Variants in GABRB2 observed in about 807,000 individuals in gnomAD.
GABRB2 encodes gamma-aminobutyric acid receptor subunit beta-2.
GABRB2 carries 16 observed loss-of-function variants against 54.7 expected under a neutral mutation model. The ratio of observed to expected loss-of-function variants is 0.29; its 90% CI spans 0.20 to 0.44. GABRB2 has a LOEUF of 0.44. Among genes scored for constraint, GABRB2 ranks in the 20% least tolerant of loss-of-function variants. The pLI is 1.00. For missense variants in GABRB2, 355 were observed against 644.0 expected (o/e 0.55, Z 4.86); for synonymous variants, 244 against 233.8 (o/e 1.04, Z -0.40).
chr5:161,350,222 A>T (rs1304575951), intron 5 of GABRB2, among the ~76,000 whole-genome samples: 2 of 152,088 alleles, frequency 1.3e-5, no homozygotes, highest in African/African-American at 4.8e-5. Context: ...GAGAATATAA[A>T]AGGCATCCAC....
chr5:161,445,683 G>A (rs1757596447), intron 4 of GABRB2, among the ~76,000 whole-genome samples: 1 of 152,076 alleles, frequency 6.6e-6, no homozygotes, highest in Non-Finnish European at 1.5e-5. Flanking sequence ...TCACAACCCA[G>A]ACATTCTTTC....
chr5:161,423,515 ATC>A (rs1400500149), intron 4 of GABRB2, among the ~76,000 whole-genome samples: 3 of 152,112 alleles, frequency 2.0e-5, no homozygotes, highest in Admixed American at 2.0e-4. Context: ...TGTCACAGTC[ATC>A]TGTGATCAGT....
intron 5 of GABRB2, among the ~76,000 whole-genome samples, chr5:161,358,402 T>C (rs577046054): frequency 2.0e-4 from 30 of 152,118 alleles, no homozygotes; most frequent in South Asian, 4.1e-4. Flanking sequence ...ACTAGGTGAC[T>C]AAAGTAATTT....
intron 3 of GABRB2, among the ~76,000 whole-genome samples, chr5:161,494,538 C>CATGTGT (rs1554104312): frequency 0.046 from 6,782 of 146,216 alleles, 185 homozygotes; most frequent in African/African-American, 0.064. Flanking sequence ...GTTAGGTATG[C>CATGTGT]GTGTGTGTGT....
Position 161,437,039 on chromosome 5 carries a change from T to C in GABRB2, c.458+22585A>G, listed in dbSNP as rs76505079. 1.4e-3 allele frequency among the ~76,000 whole-genome samples: 219 copies of C among 152,242 alleles called. 1 individual carries two copies. The highest frequency in any genetic ancestry group is 5.0e-3 in the African/African-American group (207 of 41,560). ...GGCTACAGTACTCTGAGTCTCCAAG[T>C]AAACTTGAAAGGCAGTCTAGGCCAT... On this transcript the variant is annotated intron_variant, in intron 4 of 9. Transcript: ENST00000393959.
At chr5:161,545,333 C>T (rs1423853578) in intron 2 of GABRB2, 39 bp from the exon 3 acceptor site, 1 of 1,520,320 alleles carries the variant, frequency 6.6e-7, no homozygotes. Flanking sequence ...TTTCTTTGAA[C>T]TTCATTCATT....
chr5:161,388,205 G>T (rs1210670809), intron 5 of GABRB2, among the ~76,000 whole-genome samples: 1 of 152,046 alleles, frequency 6.6e-6, no homozygotes, highest in Non-Finnish European at 1.5e-5. Flanking sequence ...AGTATCTATG[G>T]ATGTCACATA....
intron 5 of GABRB2, among the ~76,000 whole-genome samples, chr5:161,384,569 G>A (rs570103001): frequency 1.5e-4 from 23 of 152,258 alleles, no homozygotes; most frequent in Admixed American, 7.8e-4. Flanking sequence ...TATGTGCCAG[G>A]AGTATAAGTT....
chr5:161,525,911 T>C (rs1312216983), intron 3 of GABRB2, among the ~76,000 whole-genome samples: 1 of 151,236 alleles, frequency 6.6e-6, no homozygotes, highest in Non-Finnish European at 1.5e-5. Context: ...TAGAGGTGAG[T>C]GTACACATGC....
intron 5 of GABRB2, among the ~76,000 whole-genome samples, chr5:161,344,813 A>G (rs1402138758): frequency 6.6e-6 from 1 of 152,300 alleles, no homozygotes; most frequent in Non-Finnish European, 1.5e-5. Flanking sequence ...ATCAATGGAT[A>G]GACTGGAAAA....
intron 4 of GABRB2, among the ~76,000 whole-genome samples, chr5:161,432,577 A>G (rs887913293): frequency 6.6e-6 from 1 of 152,216 alleles, no homozygotes; most frequent in Non-Finnish European, 1.5e-5. Flanking sequence ...GCAATATGTC[A>G]ATGAATTATA....
chr5:161,450,573 A>G (rs1757762543), intron 4 of GABRB2, among the ~76,000 whole-genome samples: 1 of 152,076 alleles, frequency 6.6e-6, no homozygotes, highest in Non-Finnish European at 1.5e-5. Context: ...AAATAACTCC[A>G]GCAGTAGCAG....
intron 5 of GABRB2, among the ~76,000 whole-genome samples, chr5:161,387,046 G>A (rs376281937): frequency 2.0e-5 from 3 of 151,846 alleles, no homozygotes; most frequent in Middle Eastern, 3.2e-3. Context: ...GGGGAGGAAT[G>A]ATAAAGAAAA....
chr5:161,310,144 A>T (rs1164246336), intron 9 of GABRB2, among the ~76,000 whole-genome samples: 1 of 152,116 alleles, frequency 6.6e-6, no homozygotes, highest in African/African-American at 2.4e-5. Context: ...GGGGAACAAC[A>T]CACACTAGGG....
At chr5:161,343,847 A>T (rs1754242260) in intron 5 of GABRB2, among the ~76,000 whole-genome samples, 1 of 152,080 alleles carries the variant, frequency 6.6e-6, no homozygotes, top group Admixed American at 6.6e-5. Flanking sequence ...CTAAGTCCTA[A>T]AGTAATGTTG....
intron 3 of GABRB2, among the ~76,000 whole-genome samples, chr5:161,540,563 T>A (rs1430877603): frequency 1.3e-5 from 2 of 152,206 alleles, no homozygotes; most frequent in African/African-American, 4.8e-5. Context: ...AGAATGTGAA[T>A]CCTTTCCAGA....
chr5:161,331,022 AAGCACCCCATC>A lies in GABRB2; in HGVS notation c.927_937del (p.Met310CysfsTer30). The A allele has an allele frequency of 6.2e-7, 1 of 1,614,148 alleles. No homozygotes were observed. Among genetic ancestry groups the A allele is most frequent in the Non-Finnish European group, 8.5e-7 (1 of 1,180,036 alleles). On this transcript the variant is annotated frameshift_variant, in exon 8 of 10. Coordinates refer to ENST00000393959, the MANE Select transcript of GABRB2 (RefSeq NM_001371727.1). LOFTEE classifies it high-confidence loss of function. ...CAGAAGGGCCATGAAAACGAAGACA[AAGCACCCCATC>A]AGGTACATGTCAATGGCCTTCACAT... is the stretch of plus-strand genomic sequence containing the variant.
At chr5:161,296,637 T>C (rs1218329875) in intron 9 of GABRB2, among the ~76,000 whole-genome samples, 1 of 151,722 alleles carries the variant, frequency 6.6e-6, no homozygotes, top group Admixed American at 6.6e-5. Flanking sequence ...AAAGTTCTAT[T>C]AGTTACATAA....
chr5:161,491,328 C>T (rs1348722832), intron 3 of GABRB2, among the ~76,000 whole-genome samples: 1 of 151,572 alleles, frequency 6.6e-6, no homozygotes, highest in Admixed American at 6.6e-5. Context: ...TGGCTCATGA[C>T]TTAATGGCAC....
Sources: gnomAD v4.1 joint callset for allele counts (sites outside exome capture counted in the v4.1 genomes callset) on GRCh38, gnomAD v4.1.1 for gene constraint, MANE v1.5 for transcripts, NCBI Gene and HGNC (gene_info 2026-07-23, HGNC 2026-07-21) for gene names.